Variants in AP1M1 observed in about 807,000 individuals in gnomAD.
The protein encoded by AP1M1 is AP-1 complex subunit mu-1.
AP1M1 carries 18 observed loss-of-function variants against 57.1 expected under a neutral mutation model. The observed-to-expected ratio is 0.32, with a 90% CI of 0.22 to 0.47. The LOEUF is 0.47. Among genes scored for constraint, AP1M1 ranks in the 20% least tolerant of loss-of-function variants. AP1M1 has a pLI of 1.00. For missense variants in AP1M1, 362 were observed against 593.5 expected (o/e 0.61, Z 4.05); for synonymous variants, 241 against 237.9 (o/e 1.01, Z -0.12).
In AP1M1 at chr19:16,208,162, G is replaced by A. The variant is rs2145118576; in HGVS notation, c.398+13G>A. 3 of 1,609,366 alleles carry A rather than the reference G, an allele frequency of 1.9e-6. No homozygotes were observed. Among genetic ancestry groups the A allele is most frequent in the East Asian group, 4.5e-5 (2 of 44,796 alleles). On this transcript the variant is annotated intron_variant, in intron 4 of 11. Coordinates refer to ENST00000291439, the MANE Select transcript of AP1M1 (RefSeq NM_032493.4). Reference sequence around the variant, plus strand: ...AGATCCTGCAGGAGTGAGTGGGCAGGGGTGGGGCCTGGGGCCAGGCCTGGG... The same window carrying A: ...AGATCCTGCAGGAGTGAGTGGGCAGAGGTGGGGCCTGGGGCCAGGCCTGGG...
intron 5 of AP1M1, among the ~76,000 whole-genome samples, chr19:16,222,835 G>A (rs757660543): frequency 8.6e-5 from 13 of 152,034 alleles, no homozygotes; most frequent in East Asian, 3.9e-4. Flanking sequence ...GGCTAGTCTC[G>A]AACTCCTGGT....
At chr19:16,224,745 G>T (rs1465223677) in intron 5 of AP1M1, among the ~76,000 whole-genome samples, 15 of 152,182 alleles carry the variant, frequency 9.9e-5, no homozygotes, top group Admixed American at 9.8e-4. Context: ...TCCCTGAGGG[G>T]GAGGCAGCAC....
At chr19:16,225,187 G>A (rs991578512) in intron 5 of AP1M1, among the ~76,000 whole-genome samples, 7 of 152,228 alleles carry the variant, frequency 4.6e-5, no homozygotes, top group African/African-American at 1.4e-4. Context: ...CGGCAAGCTG[G>A]TGAGGGGCTT....
chr19:16,216,289 C>CA (rs1448327178), intron 5 of AP1M1, among the ~76,000 whole-genome samples: 1 of 152,000 alleles, frequency 6.6e-6, no homozygotes, highest in Non-Finnish European at 1.5e-5. Context: ...ACTAAAAATA[C>CA]AAAAAATTAG....
chr19:16,224,047 T>C (rs1271826891), intron 5 of AP1M1, among the ~76,000 whole-genome samples: 1 of 152,232 alleles, frequency 6.6e-6, no homozygotes, highest in Admixed American at 6.5e-5. Flanking sequence ...GGTGTCTCCG[T>C]GACCTGGGCC....
chr19:16,237,073 C>T lies in AP1M1; in HGVS notation c.*2638C>T, dbSNP rs1159553923. The stretch of plus-strand genomic sequence containing the variant: ...CATGCGGGTTATAACGTCTACAAAT[C>T]AGAAAAAGAGAACCTAACAAAATGG... On this transcript the variant is annotated 3_prime_UTR_variant, in exon 12 of 12. Coordinates refer to ENST00000291439, the MANE Select transcript of AP1M1 (RefSeq NM_032493.4). The T allele has an allele frequency of 6.6e-6, 1 of 152,190 alleles. No homozygotes were observed. The highest frequency in any genetic ancestry group is 1.5e-5 in the Non-Finnish European group (1 of 68,028). The allele number at this position is 152,190 out of a possible 1,614,324, so 9.4% of individuals were successfully genotyped here.
rs2091436237 is a variant in AP1M1, at chr19:16,198,912, A to G, written c.42+844A>G. On this transcript the variant is annotated intron_variant, in intron 1 of 11. Transcript: ENST00000291439. ...AACCTCCGCCTCCCGGGTTCAAGCA[A>G]TTTTCCTGCCTCAGCCTCCCAAGTA... 2.6e-5 allele frequency among the ~76,000 whole-genome samples: 4 copies of G among 151,896 alleles called. No individual in the cohort carries two copies. In the South Asian group the frequency reaches 8.3e-4, roughly 32 times the overall value.
rs2091641773 is a variant in AP1M1, at chr19:16,240,451, T to C, written c.*6016T>C. 6.6e-6 allele frequency: 1 copy of C among 152,074 alleles called. No individual in the cohort carries two copies. Among genetic ancestry groups the C allele is most frequent in the Non-Finnish European group, 1.5e-5 (1 of 68,032 alleles). 9.4% of individuals were successfully genotyped at this position (152,074 alleles called of 1,614,324 possible). A position where few individuals can be genotyped will look rare whatever the true frequency, so the allele number is the denominator to read the frequency against. The stretch of plus-strand genomic sequence containing the variant: ...CAAAATTAATGAAAATCTTGAAGTG[T>C]TTTTTGTTTTTCATTTTGACGGAGT... On this transcript the variant is annotated 3_prime_UTR_variant, in exon 12 of 12. Coordinates refer to ENST00000291439, the MANE Select transcript of AP1M1 (RefSeq NM_032493.4).
chr19:16,214,722 G>T (rs1324917525), intron 5 of AP1M1, among the ~76,000 whole-genome samples: 1 of 151,756 alleles, frequency 6.6e-6, no homozygotes, highest in African/African-American at 2.4e-5. Context: ...AATTCCCTCA[G>T]CATTTGCTTG....
rs942714255 is a variant in AP1M1 at position 16,227,276 on chromosome 19, C to T, written c.674-272C>T. ...TGATCAATCATTCAGTGAACGTGTC[C>T]TGAGCAGGTCCCCTGGCTGGGCCCT... On this transcript the variant is annotated intron_variant, in intron 6 of 11. Transcript: ENST00000291439. The surrounding 1 kb of genome is among the most constrained non-coding windows in gnomAD (Gnocchi z 6.2). Among the ~76,000 whole-genome samples the T allele has an allele frequency of 6.6e-6, 1 of 151,316 alleles. No homozygotes were observed. Among genetic ancestry groups the T allele is most frequent in the African/African-American group, 2.4e-5 (1 of 41,350 alleles).
chr19:16,206,557 C>A lies in AP1M1; in HGVS notation c.267+149C>A. The A allele has an allele frequency of 1.3e-6, 1 of 755,148 alleles. No individual in the cohort carries two copies. Among genetic ancestry groups the A allele is most frequent in the Non-Finnish European group, 2.3e-6 (1 of 443,548 alleles). 46.8% of individuals were successfully genotyped at this position (755,148 alleles called of 1,614,324 possible). A position where few individuals can be genotyped will look rare whatever the true frequency, so the allele number is the denominator to read the frequency against. The stretch of plus-strand genomic sequence containing the variant: ...AGCCCAGGAAGTGGGAAAGGGGAGT[C>A]CCAACTCCCCACGCCTGTGGAATTC... On this transcript the variant is annotated intron_variant, in intron 3 of 11. Coordinates refer to ENST00000291439, the MANE Select transcript of AP1M1 (RefSeq NM_032493.4). The surrounding 1 kb of genome is among the most constrained non-coding windows in gnomAD (Gnocchi z 4.3).
chr19:16,226,027 C>T (rs919784627), intron 5 of AP1M1, among the ~76,000 whole-genome samples: 1 of 152,144 alleles, frequency 6.6e-6, no homozygotes, highest in Non-Finnish European at 1.5e-5. Context: ...GCTGCCGGGC[C>T]GGCCCGGAGC....
Position 16,203,661 on chromosome 19 carries a change from T to C in AP1M1, c.199+46T>C, listed in dbSNP as rs2091458272. On this transcript the variant is annotated intron_variant, in intron 2 of 11. Transcript: ENST00000291439. The surrounding 1 kb of genome is among the most constrained non-coding windows in gnomAD (Gnocchi z 4.6). ...CTCCCAGGGGACTCCTGTGTGGGTGTTGGTGTGTGTGCATATCCACACGCC... is the reference window on the plus strand; with the variant it reads ...CTCCCAGGGGACTCCTGTGTGGGTGCTGGTGTGTGTGCATATCCACACGCC... 2 of 1,558,794 alleles carry C rather than the reference T, an allele frequency of 1.3e-6. No homozygotes were observed. The highest frequency in any genetic ancestry group is 1.2e-5 in the South Asian group (1 of 82,186).
rs1455285324 is a variant in AP1M1 at position 16,234,680 on chromosome 19, G to C, written c.*245G>C. On this transcript the variant is annotated 3_prime_UTR_variant, in exon 12 of 12. Transcript: ENST00000291439. ...TTCTTTGCCCCTGAAGTCAGTTTCA[G>C]GGGAAGGATGTGAAATTTTTCCGTG... 28 of 591,434 alleles carry C rather than the reference G, an allele frequency of 4.7e-5. No individual in the cohort carries two copies. The highest frequency in any genetic ancestry group is 2.4e-5 in the Non-Finnish European group (8 of 331,884). 36.6% of individuals were successfully genotyped at this position (591,434 alleles called of 1,614,324 possible). A position where few individuals can be genotyped will look rare whatever the true frequency, so the allele number is the denominator to read the frequency against.
In AP1M1 at chr19:16,208,009, AC is replaced by A; in HGVS notation, c.268-8del. On this transcript the variant is annotated splice_polypyrimidine_tract_variant and intron_variant, in intron 3 of 11. Transcript: ENST00000291439. ...CCTCCCATTCCTCCCTCCCTCCCCA[AC>A]CGCCACAGGTGTTTTCCGAGTACTT... 2 of 1,606,986 alleles carry A rather than the reference AC, an allele frequency of 1.2e-6. No homozygotes were observed. The highest frequency in any genetic ancestry group is 1.7e-6 in the Non-Finnish European group (2 of 1,176,798).
In AP1M1 at chr19:16,239,699, C is replaced by G. The variant is rs560817276; in HGVS notation, c.*5264C>G. 2 of 151,860 alleles carry G rather than the reference C, an allele frequency of 1.3e-5. No individual in the cohort carries two copies. Among genetic ancestry groups the G allele is most frequent in the Admixed American group, 6.6e-5 (1 of 15,216 alleles). 9.4% of individuals were successfully genotyped at this position (151,860 alleles called of 1,614,324 possible). Reference sequence around the variant, plus strand: ...ACTCAGGTGGCTGGGGCAGGAGATTCGCTTGAACCCGGGAGATGGCGCTCG... The same window carrying G: ...ACTCAGGTGGCTGGGGCAGGAGATTGGCTTGAACCCGGGAGATGGCGCTCG... On this transcript the variant is annotated 3_prime_UTR_variant, in exon 12 of 12. Transcript: ENST00000291439.
Position 16,234,180 on chromosome 19 carries a change from CCTG to C in AP1M1, c.1174-16_1174-14del. 2 of 1,608,836 alleles carry C rather than the reference CCTG, an allele frequency of 1.2e-6. No individual in the cohort carries two copies. The highest frequency in any genetic ancestry group is 1.7e-6 in the Non-Finnish European group (2 of 1,177,432). On this transcript the variant is annotated splice_polypyrimidine_tract_variant and intron_variant, in intron 10 of 11. Coordinates refer to ENST00000291439, the MANE Select transcript of AP1M1 (RefSeq NM_032493.4). ...GGCGGGAGCCTGCGGTGCTCAGGGC[CCTG>C]CTACCTGTGCCCCAGGTGCGCTACC...
In AP1M1 at chr19:16,202,041, G is replaced by A. The variant is rs77951892; in HGVS notation, c.43-1418G>A. 5.1e-3 allele frequency among the ~76,000 whole-genome samples: 776 copies of A among 152,228 alleles called. 7 individuals are homozygous for A. Among genetic ancestry groups the A allele is most frequent in the African/African-American group, 0.017 (719 of 41,544 alleles). On this transcript the variant is annotated intron_variant, in intron 1 of 11. Transcript: ENST00000291439. The stretch of plus-strand genomic sequence containing the variant: ...ACCCTTTGTGAGGAAGGACCTGGGG[G>A]GTCAAGAGTGACAGCAGGGGGAGGG...
At chr19:16,208,927 C>A in intron 4 of AP1M1, 103 bp from the exon 5 acceptor site, 1 of 1,424,752 alleles carries the variant, frequency 7.0e-7, no homozygotes, top group South Asian at 1.4e-5. Context: ...TCGGTCAGAA[C>A]CTGCCCTGTA....
Sources: allele counts gnomAD v4.1 joint callset (sites outside exome capture counted in the v4.1 genomes callset), GRCh38; gene constraint gnomAD v4.1.1; non-coding constraint Gnocchi (gnomAD v3.1); transcripts MANE v1.5; gene names NCBI Gene and HGNC (gene_info 2026-07-23, HGNC 2026-07-21).